Variants in DDX60L observed in about 807,000 individuals in gnomAD.
DDX60L encodes the protein probable ATP-dependent RNA helicase DDX60-like.
In DDX60L, 191 loss-of-function variants were observed where a neutral mutation model predicts 211.6. That is an observed-to-expected ratio of 0.90 (90% CI 0.80 to 1.02). The LOEUF (loss-of-function observed/expected upper bound fraction) is 1.02, where lower values mean the gene tolerates loss of function less well. Ranked by LOEUF, DDX60L falls within the 50% of genes least tolerant of loss-of-function variation. The pLI is 0.00. For missense variants in DDX60L, 2,007 were observed against 1,984.1 expected (o/e 1.01, Z -0.22); for synonymous variants, 706 against 694.1 (o/e 1.02, Z -0.27).
intron 25 of DDX60L, among the ~76,000 whole-genome samples, chr4:168,402,455 C>T (rs1579404106): frequency 6.6e-6 from 1 of 151,852 alleles, no homozygotes; most frequent in East Asian, 1.9e-4. Flanking sequence ...GTGAATGGGC[C>T]TCAATCAGTC....
intron 4 of DDX60L, among the ~76,000 whole-genome samples, chr4:168,464,091 C>A (rs1177484672): frequency 2.0e-5 from 3 of 152,112 alleles, no homozygotes; most frequent in Non-Finnish European, 1.5e-5. Flanking sequence ...TCTCCTCCTA[C>A]CTCATGTTCC....
chr4:168,416,048 G>A (rs1749503272), intron 20 of DDX60L, among the ~76,000 whole-genome samples: 1 of 152,176 alleles, frequency 6.6e-6, no homozygotes, highest in Admixed American at 6.5e-5. Context: ...TGCGTGGCTT[G>A]AATGAGTTAG....
intron 1 of DDX60L, among the ~76,000 whole-genome samples, chr4:168,477,491 T>C (rs577330449): frequency 1.3e-5 from 2 of 152,130 alleles, no homozygotes; most frequent in Non-Finnish European, 2.9e-5. Context: ...TAAAAATCCA[T>C]GAATTGCAAG....
intron 36 of DDX60L, among the ~76,000 whole-genome samples, chr4:168,371,169 G>C (rs896480291): frequency 6.6e-6 from 1 of 151,234 alleles, no homozygotes; most frequent in Non-Finnish European, 1.5e-5. Flanking sequence ...TGAATAATTA[G>C]TGTAACGGTA....
At chr4:168,422,187 C>T (rs1047064080) in intron 16 of DDX60L, among the ~76,000 whole-genome samples, 1 of 152,162 alleles carries the variant, frequency 6.6e-6, no homozygotes, top group Non-Finnish European at 1.5e-5. Context: ...CTGAGTAAAA[C>T]ATATTTTTCC....
chr4:168,359,286 T>G (rs1481297466), intron 37 of DDX60L, among the ~76,000 whole-genome samples: 1 of 152,220 alleles, frequency 6.6e-6, no homozygotes, highest in Non-Finnish European at 1.5e-5. Context: ...TATTATTCTA[T>G]TGACTGCTGA....
intron 14 of DDX60L, among the ~76,000 whole-genome samples, chr4:168,425,671 A>G (rs1475887201): frequency 6.6e-6 from 1 of 152,168 alleles, no homozygotes; most frequent in Non-Finnish European, 1.5e-5. Context: ...CTAAGGCAGG[A>G]GAATCACCTG....
Position 168,379,455 on chromosome 4 carries a change from G to T in DDX60L, c.4271C>A (p.Ser1424Ter), listed in dbSNP as rs1175318394. Reference protein sequence around the residue: ...GNPKKFAGLASYLHGHEPSNL... With the variant: ...GNPKKFAGLA ...TGAAGGTTCATGACCATGCAAATAT[G>T]ATGCAAGTCCTGCAAATTTCTTTGG... The change falls in exon 32 of 38, where the codon TCA becomes TAA. Residue 1424 changes from serine to a stop codon, truncating the protein, a stop_gained. Coordinates refer to ENST00000682922, the MANE Select transcript of DDX60L (RefSeq NM_001012967.3). LOFTEE classifies it high-confidence loss of function. 6.3e-7 allele frequency: 1 copy of T among 1,595,330 alleles called. No individual in the cohort carries two copies. The highest frequency in any genetic ancestry group is 8.5e-7 in the Non-Finnish European group (1 of 1,174,670).
intron 4 of DDX60L, among the ~76,000 whole-genome samples, chr4:168,465,060 T>A (rs1035976098): frequency 6.6e-6 from 1 of 152,126 alleles, no homozygotes; most frequent in Non-Finnish European, 1.5e-5. Flanking sequence ...TTGTGTTTTT[T>A]GAGGAACCTC....
chr4:168,407,163 A>G (rs1747888902), intron 22 of DDX60L, among the ~76,000 whole-genome samples: 1 of 152,206 alleles, frequency 6.6e-6, no homozygotes, highest in South Asian at 2.1e-4. Context: ...CAAGCCACGT[A>G]AAAAGGGACA....
intron 4 of DDX60L, among the ~76,000 whole-genome samples, chr4:168,464,520 C>T (rs1170952637): frequency 6.8e-6 from 1 of 146,168 alleles, no homozygotes; most frequent in Non-Finnish European, 1.5e-5. Context: ...TCAAATGATC[C>T]TCCCCATTCA....
At chr4:168,443,142 G>A (rs1004831115) in intron 9 of DDX60L, among the ~76,000 whole-genome samples, 16 of 151,598 alleles carry the variant, frequency 1.1e-4, no homozygotes, top group African/African-American at 1.7e-4. Context: ...AAATTTAGAC[G>A]AATGTACAAC....
Position 168,427,108 on chromosome 4 carries a change from G to T in DDX60L, c.1892C>A (p.Ala631Asp). The T allele has an allele frequency of 6.2e-7, 1 of 1,606,568 alleles. No individual in the cohort carries two copies. Among genetic ancestry groups the T allele is most frequent in the Non-Finnish European group, 8.5e-7 (1 of 1,175,606 alleles). ...ATGTTTTTTCCATGCTTTAAAGCAG[G>T]CAATTAATCCTAACATTTCAACTCC... is the stretch of plus-strand genomic sequence containing the variant. ...KFGVEMLGLI[A>D]CFKAWKKHCR... The change falls in exon 14 of 38, where the codon GCC (alanine) becomes GAC (aspartate). Residue 631 changes from alanine (A) to aspartate (D), a missense_variant. By Grantham distance (126) the Ala-to-Asp change is moderately radical. Transcript: ENST00000682922.
intron 30 of DDX60L, among the ~76,000 whole-genome samples, chr4:168,383,868 T>G (rs1743385425): frequency 6.6e-6 from 1 of 152,170 alleles, no homozygotes; most frequent in South Asian, 2.1e-4. Context: ...AAAGTATTGA[T>G]CCTAGGTGTG....
intron 10 of DDX60L, among the ~76,000 whole-genome samples, chr4:168,440,714 T>C (rs756513128): frequency 1.4e-4 from 22 of 152,198 alleles, no homozygotes; most frequent in Admixed American, 6.5e-4. Flanking sequence ...CTGTTAATCA[T>C]TAGTTTCCAC....
chr4:168,426,945 T>C lies in DDX60L; in HGVS notation c.1930+125A>G, dbSNP rs1751549662. 9.1e-6 allele frequency: 10 copies of C among 1,096,702 alleles called. No homozygotes were observed. In the South Asian group the frequency reaches 1.7e-4, roughly 19 times the overall value. The allele number at this position is 1,096,702 out of a possible 1,614,324, so 67.9% of individuals were successfully genotyped here. On this transcript the variant is annotated intron_variant, in intron 14 of 37. Coordinates refer to ENST00000682922, the MANE Select transcript of DDX60L (RefSeq NM_001012967.3). The stretch of plus-strand genomic sequence containing the variant: ...TAATAATAACTATCTTAAAGGGTCA[T>C]GTTGACAATAAAATCAGACAATGGA...
At chr4:168,400,320 T>G (rs1746575893) in intron 26 of DDX60L, among the ~76,000 whole-genome samples, 1 of 152,238 alleles carries the variant, frequency 6.6e-6, no homozygotes, top group African/African-American at 2.4e-5. Flanking sequence ...GGTGCTTCAG[T>G]GAACATATGC....
intron 36 of DDX60L, among the ~76,000 whole-genome samples, chr4:168,368,463 G>T (rs1426886239): frequency 6.6e-6 from 1 of 152,244 alleles, no homozygotes; most frequent in Non-Finnish European, 1.5e-5. Context: ...GCAGAAGTTT[G>T]CTGCAGGAGC....
chr4:168,420,642 GAGATAGAT>G (rs3068291), intron 17 of DDX60L, among the ~76,000 whole-genome samples: 9,996 of 136,312 alleles, frequency 0.073, 437 homozygotes, highest in African/African-American at 0.13. Context: ...ACACACACAT[GAGATAGAT>G]AGATAGATAG....
Sources: allele counts gnomAD v4.1 joint callset (sites outside exome capture counted in the v4.1 genomes callset), GRCh38; gene constraint gnomAD v4.1.1; transcripts MANE v1.5; gene names NCBI Gene and HGNC (gene_info 2026-07-23, HGNC 2026-07-21).